The following B3GNT2 variants were observed in gnomAD, a reference collection of about 807,000 sequenced individuals.
B3GNT2 encodes the protein UDP-GlcNAc:betaGal beta-1,3-N-acetylglucosaminyltransferase 2.
In B3GNT2, 12 loss-of-function variants were observed where a neutral mutation model predicts 27.6. The ratio of observed to expected loss-of-function variants is 0.44; its 90% CI spans 0.28 to 0.71. The LOEUF is 0.71. B3GNT2 is among the 30% of genes least tolerant of loss of function. The pLI, the probability that B3GNT2 is intolerant of heterozygous loss-of-function variation, is 0.17. For synonymous variants in B3GNT2, 192 were observed against 189.7 expected, an observed-to-expected ratio of 1.01 and a Z score of -0.10; for missense variants, 413 against 488.5, an observed-to-expected ratio of 0.85 and a Z score of 1.46.
At position 62,222,816 on chromosome 2, in the gene B3GNT2, A is replaced by G. The variant is rs747038487; in HGVS notation, c.596A>G (p.Lys199Arg). 2.5e-6 allele frequency: 4 copies of G among 1,614,166 alleles called. No homozygotes were observed. The highest frequency in any genetic ancestry group is 2.5e-6 in the Non-Finnish European group (3 of 1,180,024). The change falls in exon 2 of 2, where the codon AAA becomes AGA. Residue 199 changes from lysine to arginine, a missense_variant. By Grantham distance (26) the Lys-to-Arg change is conservative. Coordinates refer to ENST00000301998, the MANE Select transcript of B3GNT2 (RefSeq NM_006577.6). The surrounding 1 kb of genome is among the most constrained non-coding windows in gnomAD (Gnocchi z 4.2). ...DNHPDLSDML[K>R]FESEKHQDIL... ...CACCCCGACCTTTCAGATATGCTGA[A>G]ATTTGAGAGTGAGAAGCACCAAGAC...
intron 1 of B3GNT2, among the ~76,000 whole-genome samples, chr2:62,197,751 C>G (rs1008835803): frequency 1.2e-4 from 19 of 152,322 alleles, no homozygotes; most frequent in African/African-American, 4.6e-4. Context: ...GGCGGGGACC[C>G]TGGCCGAGCC....
intron 1 of B3GNT2, among the ~76,000 whole-genome samples, chr2:62,212,394 C>G (rs909648819): frequency 6.6e-6 from 1 of 152,104 alleles, no homozygotes; most frequent in African/African-American, 2.4e-5. Context: ...CCAAGCCCCC[C>G]TGGTGCTGGC....
At chr2:62,217,306 GT>G (rs781484724) in intron 1 of B3GNT2, among the ~76,000 whole-genome samples, 3 of 152,186 alleles carry the variant, frequency 2.0e-5, no homozygotes, top group Non-Finnish European at 4.4e-5. Context: ...CATTGCCTGG[GT>G]TTGAGTCCTG....
chr2:62,218,688 G>A (rs1276669498), intron 1 of B3GNT2, among the ~76,000 whole-genome samples: 2 of 152,198 alleles, frequency 1.3e-5, no homozygotes, highest in Non-Finnish European at 2.9e-5. Context: ...GCCTTGTCAC[G>A]TAACTCTTCC....
At chr2:62,206,446 A>G (rs1674376377) in intron 1 of B3GNT2, among the ~76,000 whole-genome samples, 1 of 152,228 alleles carries the variant, frequency 6.6e-6, no homozygotes, top group Non-Finnish European at 1.5e-5. Context: ...GGTGGGCACT[A>G]GGTGTGCAGT....
intron 1 of B3GNT2, among the ~76,000 whole-genome samples, chr2:62,199,018 G>GCAA (rs1674212034): frequency 1.3e-5 from 2 of 152,018 alleles, no homozygotes; most frequent in South Asian, 4.2e-4. Flanking sequence ...TCAGCTCACT[G>GCAA]CAACCGCTGC....
chr2:62,197,400 CT>C (rs1283828705), intron 1 of B3GNT2, among the ~76,000 whole-genome samples: 1 of 152,212 alleles, frequency 6.6e-6, no homozygotes, highest in African/African-American at 2.4e-5. Flanking sequence ...CAAAGCTCAT[CT>C]TTAAAAATAT....
intron 1 of B3GNT2, among the ~76,000 whole-genome samples, chr2:62,217,798 T>C (rs1040347128): frequency 3.3e-5 from 5 of 152,270 alleles, no homozygotes; most frequent in Non-Finnish European, 7.3e-5. Flanking sequence ...TAGTATTTTA[T>C]CTAGATTGTC....
chr2:62,212,311 G>A (rs533567658), intron 1 of B3GNT2, among the ~76,000 whole-genome samples: 1 of 152,182 alleles, frequency 6.6e-6, no homozygotes, highest in Admixed American at 6.5e-5. Context: ...GGTACCAGGA[G>A]CCTAAGACTG....
chr2:62,213,761 AG>A (rs763946925), intron 1 of B3GNT2, among the ~76,000 whole-genome samples: 4 of 152,228 alleles, frequency 2.6e-5, no homozygotes, highest in Non-Finnish European at 5.9e-5. Context: ...TAAGTGAGAC[AG>A]TTTTCTATAA....
Position 62,205,817 on chromosome 2 carries a change from AC to A in B3GNT2, c.-10+9463del, listed in dbSNP as rs1674360817. 3.2e-5 allele frequency: 5 copies of A among 153,862 alleles called. No individual in the cohort carries two copies. The South Asian group carries it at 8.2e-4, about 25-fold the overall frequency. 9.5% of individuals were successfully genotyped at this position (153,862 alleles called of 1,614,324 possible). A position where few individuals can be genotyped will look rare whatever the true frequency, so the allele number is the denominator to read the frequency against. ...TTGGCTGTCATTTGCCACCTGAGGG[AC>A]AGGCTGCTTAGTTCCAGCCTCCTGG... On this transcript the variant is annotated intron_variant, in intron 1 of 1. Transcript: ENST00000301998.
chr2:62,206,243 G>A (rs1486624089), intron 1 of B3GNT2, among the ~76,000 whole-genome samples: 1 of 152,138 alleles, frequency 6.6e-6, no homozygotes, highest in African/African-American at 2.4e-5. Context: ...CCTCCATGCA[G>A]CTCTGGGCTG....
At chr2:62,217,685 C>T (rs770840750) in intron 1 of B3GNT2, among the ~76,000 whole-genome samples, 5 of 152,176 alleles carry the variant, frequency 3.3e-5, no homozygotes, top group African/African-American at 1.2e-4. Context: ...CCCCAGCGTG[C>T]GGCGGAAGAG....
At chr2:62,214,859 C>A (rs962659440) in intron 1 of B3GNT2, among the ~76,000 whole-genome samples, 1 of 152,176 alleles carries the variant, frequency 6.6e-6, no homozygotes, top group Non-Finnish European at 1.5e-5. Context: ...TCTGGGACAT[C>A]TCCATCCTCA....
chr2:62,215,626 A>T (rs1573268076), intron 1 of B3GNT2: 1 of 152,346 alleles, frequency 6.6e-6, no homozygotes, highest in Non-Finnish European at 1.5e-5. Flanking sequence ...GTGAGGACTT[A>T]GGTAAACCAC....
chr2:62,206,511 A>AT (rs894008608), intron 1 of B3GNT2, among the ~76,000 whole-genome samples: 4 of 151,678 alleles, frequency 2.6e-5, no homozygotes, highest in Non-Finnish European at 5.9e-5. Flanking sequence ...TCATTTCTCT[A>AT]TTTTTTTTCC....
In B3GNT2 at chr2:62,223,718, T is replaced by C. The variant is rs1674770814; in HGVS notation, c.*304T>C. 3.8e-6 allele frequency: 1 copy of C among 260,768 alleles called. No homozygotes were observed. Among genetic ancestry groups the C allele is most frequent in the African/African-American group, 2.3e-5 (1 of 44,152 alleles). 16.2% of individuals were successfully genotyped at this position (260,768 alleles called of 1,614,324 possible). Reference sequence around the variant, plus strand: ...GTTTCTGGAATTTGGCCATTTTAAGTGATTTTGTTTGCCCTCTTCTATAAT... The same window carrying C: ...GTTTCTGGAATTTGGCCATTTTAAGCGATTTTGTTTGCCCTCTTCTATAAT... On this transcript the variant is annotated 3_prime_UTR_variant, in exon 2 of 2. Coordinates refer to ENST00000301998, the MANE Select transcript of B3GNT2 (RefSeq NM_006577.6).
Position 62,208,671 on chromosome 2 carries a change from GT to G in B3GNT2, c.-10+12319del, listed in dbSNP as rs1326342981. 2.6e-5 allele frequency among the ~76,000 whole-genome samples: 4 copies of G among 152,278 alleles called. No homozygotes were observed. In the East Asian group the frequency reaches 7.7e-4, roughly 29 times the overall value. ...GTGTGTGTGAAATTATCCAAGAATG[GT>G]TTGCTAGAACAGTGTTTAAAATGTT... On this transcript the variant is annotated intron_variant, in intron 1 of 1. Coordinates refer to ENST00000301998, the MANE Select transcript of B3GNT2 (RefSeq NM_006577.6).
chr2:62,215,524 A>G (rs1260314555), intron 1 of B3GNT2: 1 of 152,312 alleles, frequency 6.6e-6, no homozygotes, highest in Non-Finnish European at 1.5e-5. Context: ...CCCTAGAGCC[A>G]TTTAGCTGCA....
Sources: allele counts gnomAD v4.1 joint callset (sites outside exome capture counted in the v4.1 genomes callset), GRCh38; gene constraint gnomAD v4.1.1; non-coding constraint Gnocchi (gnomAD v3.1); transcripts MANE v1.5; gene names NCBI Gene and HGNC (gene_info 2026-07-23, HGNC 2026-07-21).